Variants in EEF1G observed in about 807,000 individuals in gnomAD.
The protein encoded by EEF1G is eukaryotic translation elongation factor 1 gamma.
Under a neutral mutation model 58.3 loss-of-function variants are expected in EEF1G, and 14 were observed. That is an observed-to-expected ratio of 0.24 (90% CI 0.16 to 0.38). EEF1G has a LOEUF of 0.38. Among genes scored for constraint, EEF1G ranks in the 10% least tolerant of loss-of-function variants. The pLI is 1.00. For missense variants in EEF1G, 322 were observed against 550.1 expected, an observed-to-expected ratio of 0.59 and a Z score of 4.15; for synonymous variants, 180 against 206.8, an observed-to-expected ratio of 0.87 and a Z score of 1.11.
intron 7 of EEF1G, among the ~76,000 whole-genome samples, chr11:62,562,670 G>A (rs552516918): frequency 4.6e-5 from 7 of 152,184 alleles, no homozygotes; most frequent in South Asian, 2.1e-4. Context: ...TAGTAGAGAC[G>A]AGGTTTCACT....
chr11:62,560,462 G>A lies in EEF1G; in HGVS notation c.858-8C>T, dbSNP rs767450145. 15 of 1,608,896 alleles carry A rather than the reference G, an allele frequency of 9.3e-6. No individual in the cohort carries two copies. Among genetic ancestry groups the A allele is most frequent in the Admixed American group, 6.8e-5 (4 of 59,070 alleles). On this transcript the variant is annotated splice_region_variant and splice_polypyrimidine_tract_variant and intron_variant, in intron 7 of 9. Transcript: ENST00000329251. ...TCATCCAACACAAAGGTACTAAGAG[G>A]AAGAAAGCACAGGGGTCAATCAATA...
intron 5 of EEF1G, 37 bp downstream of exon 5, chr11:62,570,928 T>A: frequency 6.2e-7 from 1 of 1,613,088 alleles, no homozygotes; most frequent in Non-Finnish European, 8.5e-7. Flanking sequence ...CTAATCCCCA[T>A]CTACCCACTG....
chr11:62,564,348 C>A (rs1004284398), intron 7 of EEF1G, among the ~76,000 whole-genome samples: 1 of 148,496 alleles, frequency 6.7e-6, no homozygotes, highest in Non-Finnish European at 1.5e-5. Context: ...CTGCAATCCC[C>A]AGCTACTCGG....
At chr11:62,571,456 TCAACC>T in intron 4 of EEF1G, 79 bp downstream of exon 4, 2 of 1,479,682 alleles carry the variant, frequency 1.4e-6, no homozygotes, top group Middle Eastern at 2.5e-4. Flanking sequence ...CATCTTTTTT[TCAACC>T]TATTTTATTT....
Position 62,571,550 on chromosome 11 carries a change from T to C in EEF1G, c.368A>G (p.His123Arg). 3.1e-6 allele frequency: 5 copies of C among 1,595,866 alleles called. No homozygotes were observed. The highest frequency in any genetic ancestry group is 3.4e-6 in the Non-Finnish European group (4 of 1,170,788). ...AGTTCCAAGGCTCACCTGTTTGTTG[T>C]GGTGCATGATGCCCAAGGTGGGGAA... ...WVFPTLGIMH[H>R]NKQATENAKE... Residue 123 changes from histidine to arginine, a missense_variant, in exon 4 of 10, where the codon CAC (histidine) becomes CGC (arginine). By Grantham distance (29) the His-to-Arg change is conservative. Around this residue, in one of 3 missense-constraint regions of EEF1G, gnomAD observed 52 missense variants for 139.4 expected, o/e 0.37. Transcript: ENST00000329251.
intron 7 of EEF1G, among the ~76,000 whole-genome samples, chr11:62,566,428 C>G (rs375011969): frequency 6.6e-6 from 1 of 152,058 alleles, no homozygotes; most frequent in African/African-American, 2.4e-5. Flanking sequence ...CACAGCCGGG[C>G]GCGTGGCGCA....
chr11:62,567,940 G>A (rs113333423), intron 5 of EEF1G, among the ~76,000 whole-genome samples: 4,115 of 151,148 alleles, frequency 0.027, 185 homozygotes, highest in African/African-American at 0.093. Flanking sequence ...GGCTGTTCTC[G>A]AACTCTGACC....
intron 4 of EEF1G, 76 bp downstream of exon 4, chr11:62,571,464 T>C: frequency 2.7e-6 from 4 of 1,493,642 alleles, no homozygotes; most frequent in South Asian, 1.3e-5. Context: ...TTTCAACCTA[T>C]TTTATTTCTT....
intron 4 of EEF1G, 99 bp from the exon 5 acceptor site, chr11:62,571,207 C>A: frequency 6.5e-7 from 1 of 1,548,078 alleles, no homozygotes; most frequent in South Asian, 1.1e-5. Context: ...ACCTAGAAGT[C>A]TGAGCTCACC....
intron 2 of EEF1G, 77 bp downstream of exon 2, chr11:62,572,507 G>T: frequency 6.4e-7 from 1 of 1,559,788 alleles, no homozygotes; most frequent in Non-Finnish European, 8.7e-7. Flanking sequence ...TTAGAGATGG[G>T]GGCCACCACC....
At chr11:62,573,533 C>G (rs1342013638) in intron 1 of EEF1G, 1 of 547,500 alleles carries the variant, frequency 1.8e-6, no homozygotes, top group Non-Finnish European at 3.3e-6. Flanking sequence ...CGTCAACCTG[C>G]CCAGATACCA....
At chr11:62,564,625 G>A (rs1941534120) in intron 7 of EEF1G, among the ~76,000 whole-genome samples, 1 of 151,790 alleles carries the variant, frequency 6.6e-6, no homozygotes. Flanking sequence ...AGCTGGGCAT[G>A]GTGGTGCGTG....
rs1941571026 is a variant in EEF1G, at chr11:62,567,486, G to A, written c.565C>T (p.Arg189Cys). The change falls in exon 6 of 10, where the codon CGC (arginine) becomes TGC (cysteine). Residue 189 changes from arginine (R) to cysteine (C), a missense_variant. By Grantham distance (180) the Arg-to-Cys change is radical. Coordinates refer to ENST00000329251, the MANE Select transcript of EEF1G (RefSeq NM_001404.5). ...SFRQAFPNTN[R>C]WFLTCINQPQ... ...TGGTTAATGCAGGTGAGGAACCAGC[G>A]GTTGGTATTGGGAAAGGCCTGGCGG... The A allele has an allele frequency of 1.2e-6, 2 of 1,611,502 alleles. No homozygotes were observed. Among genetic ancestry groups the A allele is most frequent in the Non-Finnish European group, 8.5e-7 (1 of 1,178,748 alleles).
intron 7 of EEF1G, among the ~76,000 whole-genome samples, chr11:62,561,978 A>G (rs551548492): frequency 1.2e-4 from 19 of 152,326 alleles, no homozygotes; most frequent in African/African-American, 4.6e-4. Flanking sequence ...CAATTAACTG[A>G]TAAGGTACTG....
At chr11:62,568,743 C>T (rs895928392) in intron 5 of EEF1G, among the ~76,000 whole-genome samples, 1 of 151,972 alleles carries the variant, frequency 6.6e-6, no homozygotes, top group African/African-American at 2.4e-5. Context: ...GAGGCCGAGG[C>T]GGGCAGATAA....
intron 8 of EEF1G, 36 bp downstream of exon 8, chr11:62,560,246 C>T (rs1240835676): frequency 2.5e-6 from 4 of 1,613,848 alleles, no homozygotes; most frequent in Admixed American, 1.7e-5. Context: ...ACTTGCTACA[C>T]CTTGTTCTCC....
chr11:62,566,151 C>T (rs1335376859), intron 7 of EEF1G, among the ~76,000 whole-genome samples: 5 of 152,128 alleles, frequency 3.3e-5, no homozygotes, highest in East Asian at 3.9e-4. Flanking sequence ...AAGCACTCAG[C>T]GTCCTACATT....
At chr11:62,562,285 A>AT (rs1271158875) in intron 7 of EEF1G, among the ~76,000 whole-genome samples, 1 of 152,122 alleles carries the variant, frequency 6.6e-6, no homozygotes, top group Non-Finnish European at 1.5e-5. Flanking sequence ...GGGCCGAGAG[A>AT]TTTTTGAGCG....
chr11:62,567,325 GA>G, intron 6 of EEF1G, 73 bp downstream of exon 6: 1 of 1,510,748 alleles, frequency 6.6e-7, no homozygotes, highest in Non-Finnish European at 8.8e-7. Context: ...AGCAAGACAG[GA>G]AATCAAGGGG....
Sources: gnomAD v4.1 joint callset for allele counts (sites outside exome capture counted in the v4.1 genomes callset) on GRCh38, gnomAD v4.1.1 for gene constraint, gnomAD v4.1.1 regional missense constraint, MANE v1.5 for transcripts, NCBI Gene and HGNC (gene_info 2026-07-23, HGNC 2026-07-21) for gene names.